SIPA1L3: variants seen among roughly 807,000 people sequenced by gnomAD.
SIPA1L3 encodes signal-induced proliferation-associated 1-like protein 3.
Under a neutral mutation model 150.1 loss-of-function variants are expected in SIPA1L3, and 59 were observed. The observed-to-expected ratio is 0.39, with a 90% confidence interval of 0.32 to 0.49. The LOEUF (loss-of-function observed/expected upper bound fraction) is 0.49. SIPA1L3 is among the 20% of genes least tolerant of loss of function. SIPA1L3 has a pLI of 0.86. For synonymous variants in SIPA1L3, 1,070 were observed against 1,077.6 expected (o/e 0.99, Z 0.14); for missense variants, 2,211 against 2,489.5 (o/e 0.89, Z 2.38).
chr19:38,200,892 A>C (rs964241187), intron 19 of SIPA1L3: 1 of 151,628 alleles, frequency 6.6e-6, no homozygotes, highest in African/African-American at 2.4e-5. Context: ...GCGCCATCGC[A>C]CTCCAGCCTG....
At chr19:38,018,385 A>G (rs1968289608) in intron 1 of SIPA1L3, among the ~76,000 whole-genome samples, 1 of 151,990 alleles carries the variant, frequency 6.6e-6, no homozygotes, top group Non-Finnish European at 1.5e-5. Flanking sequence ...GCTGGTCTCA[A>G]ACTCCTGACC....
At chr19:37,912,963 G>A (rs966424785) in intron 1 of SIPA1L3, among the ~76,000 whole-genome samples, 2 of 152,220 alleles carry the variant, frequency 1.3e-5, no homozygotes, top group African/African-American at 4.8e-5. Flanking sequence ...CACAGTGGGT[G>A]GTGGGGGTGA....
intron 13 of SIPA1L3, among the ~76,000 whole-genome samples, chr19:38,156,479 T>C (rs1175888137): frequency 6.7e-6 from 1 of 150,052 alleles, no homozygotes; most frequent in East Asian, 1.9e-4. Context: ...ACTCCTAAAA[T>C]TGCCGCCGCC....
At chr19:37,955,272 TCCC>T (rs1325004338) in intron 1 of SIPA1L3, among the ~76,000 whole-genome samples, 1 of 150,660 alleles carries the variant, frequency 6.6e-6, no homozygotes, top group African/African-American at 2.5e-5. Flanking sequence ...ATGCCTGTAA[TCCC>T]CGCTACTCAG....
At chr19:38,157,357 G>A (rs1311416823) in intron 13 of SIPA1L3, among the ~76,000 whole-genome samples, 1 of 152,158 alleles carries the variant, frequency 6.6e-6, no homozygotes, top group East Asian at 1.9e-4. Context: ...GGTGGGCACT[G>A]CGACTGCCCC....
At chr19:38,104,635 G>A (rs1000467606) in intron 6 of SIPA1L3, among the ~76,000 whole-genome samples, 1 of 152,046 alleles carries the variant, frequency 6.6e-6, no homozygotes, top group African/African-American at 2.4e-5. Flanking sequence ...GCATTAGAAC[G>A]ATCTTGGCTC....
intron 1 of SIPA1L3, among the ~76,000 whole-genome samples, chr19:37,922,972 C>CA (rs553338956): frequency 0.024 from 2,994 of 125,532 alleles, 67 homozygotes; most frequent in East Asian, 0.084. Context: ...ACTAAAAATA[C>CA]AAAAAAAAAA....
chr19:38,035,509 G>C (rs2145728932), intron 2 of SIPA1L3, among the ~76,000 whole-genome samples: 1 of 152,282 alleles, frequency 6.6e-6, no homozygotes, highest in Admixed American at 6.5e-5. Flanking sequence ...AAGCAAAAAT[G>C]GGTTGACACG....
In SIPA1L3 at chr19:38,152,738, G is replaced by A. The variant is rs904681443; in HGVS notation, c.3534-102G>A. 3.9e-6 allele frequency: 5 copies of A among 1,296,378 alleles called. No homozygotes were observed. In the African/African-American group the frequency reaches 7.4e-5, roughly 19 times the overall value. The allele number at this position is 1,296,378 out of a possible 1,614,324, so 80.3% of individuals were successfully genotyped here. A position where few individuals can be genotyped will look rare whatever the true frequency, so the allele number is the denominator to read the frequency against. ...TCTCATCCACAGCGGAGCCTCCCGT[G>A]TGTCTAAAACCCACTGGCGAGCAAG... On this transcript the variant is annotated intron_variant, in intron 12 of 21. Coordinates refer to ENST00000222345, the MANE Select transcript of SIPA1L3 (RefSeq NM_015073.3).
intron 1 of SIPA1L3, among the ~76,000 whole-genome samples, chr19:37,945,794 T>C (rs1277002172): frequency 1.3e-5 from 2 of 152,214 alleles, no homozygotes; most frequent in Non-Finnish European, 2.9e-5. Context: ...AAATCATTTG[T>C]TTGCTTCTTA....
intron 1 of SIPA1L3, among the ~76,000 whole-genome samples, chr19:37,918,145 C>A (rs1189419529): frequency 6.6e-6 from 1 of 152,068 alleles, no homozygotes; most frequent in African/African-American, 2.4e-5. Flanking sequence ...AACCTTACCT[C>A]CCAGGAAAGA....
intron 1 of SIPA1L3, among the ~76,000 whole-genome samples, chr19:37,930,947 G>C (rs1000498581): frequency 1.3e-5 from 2 of 151,870 alleles, no homozygotes; most frequent in South Asian, 4.2e-4. Flanking sequence ...CCTGTGGGCA[G>C]GATTTATGTG....
chr19:37,958,075 A>G (rs908232907), intron 1 of SIPA1L3, among the ~76,000 whole-genome samples: 2 of 152,144 alleles, frequency 1.3e-5, no homozygotes, highest in African/African-American at 2.4e-5. Flanking sequence ...GTATGATTTC[A>G]GTCCTTTAAA....
At chr19:37,953,897 A>C (rs113819946) in intron 1 of SIPA1L3, among the ~76,000 whole-genome samples, 4 of 152,276 alleles carry the variant, frequency 2.6e-5, no homozygotes, top group African/African-American at 9.6e-5. Context: ...GATCATCGTT[A>C]AACATTTTTG....
At chr19:38,116,879 A>G (rs1197424205) in intron 8 of SIPA1L3, among the ~76,000 whole-genome samples, 1 of 152,088 alleles carries the variant, frequency 6.6e-6, no homozygotes, top group Non-Finnish European at 1.5e-5. Flanking sequence ...TAGAAGAAAC[A>G]TGAAGAACAT....
At chr19:38,194,488 A>G (rs144288741) in intron 18 of SIPA1L3, among the ~76,000 whole-genome samples, 270 of 152,238 alleles carry the variant, frequency 1.8e-3, no homozygotes, top group African/African-American at 6.3e-3. Context: ...AGTGCTAGCA[A>G]TGAGGAGCTT....
Position 38,141,317 on chromosome 19 carries a change from C to A in SIPA1L3, c.3277C>A (p.Leu1093Ile). 10 of 1,614,066 alleles carry A rather than the reference C, an allele frequency of 6.2e-6. No individual in the cohort carries two copies. The highest frequency in any genetic ancestry group is 7.6e-6 in the Non-Finnish European group (9 of 1,179,988). ...GAGCGGGCCCGCATCCCATAACTCT[C>A]TACCAGCCTCCAAGTGGGCCACTCC... ...QWSGPASHNSLPASKWATPTT... is the reference protein window; with the variant it reads ...QWSGPASHNSIPASKWATPTT... Residue 1093 changes from leucine (L) to isoleucine (I), a missense_variant, in exon 11 of 22, where the codon CTA becomes ATA. Physicochemically the swap from Leu to Ile is conservative, Grantham distance 5. Around this residue, in one of 5 missense-constraint regions of SIPA1L3, gnomAD observed 806 missense variants for 870.1 expected, o/e 0.93. Coordinates refer to ENST00000222345, the MANE Select transcript of SIPA1L3 (RefSeq NM_015073.3).
chr19:38,000,456 C>CA (rs1363047921), intron 1 of SIPA1L3, among the ~76,000 whole-genome samples: 1 of 128,098 alleles, frequency 7.8e-6, no homozygotes, highest in Non-Finnish European at 1.6e-5. Flanking sequence ...CAACAGAGTG[C>CA]ACAGAGTGAG....
At chr19:38,110,169 A>G in intron 7 of SIPA1L3, 58 bp from the exon 8 acceptor site, 1 of 1,555,218 alleles carries the variant, frequency 6.4e-7, no homozygotes, top group Non-Finnish European at 8.8e-7. Flanking sequence ...TGGTCCAGGC[A>G]GGACCCGTCA....
Sources: gnomAD v4.1 joint callset for allele counts (sites outside exome capture counted in the v4.1 genomes callset) on GRCh38, gnomAD v4.1.1 for gene constraint, gnomAD v4.1.1 regional missense constraint, MANE v1.5 for transcripts, NCBI Gene and HGNC (gene_info 2026-07-23, HGNC 2026-07-21) for gene names.